Variants in LYPLAL1 observed in about 807,000 individuals in gnomAD.
The protein encoded by LYPLAL1 is lysophospholipase like 1, also known as lysophospholipase-like protein 1.
In LYPLAL1, 23 loss-of-function variants were observed where a neutral mutation model predicts 19.7. That is an observed-to-expected ratio of 1.17 (90% CI 0.84 to 1.65). LYPLAL1 has a LOEUF of 1.65. Among genes scored for constraint, LYPLAL1 ranks in the 40% most tolerant of loss-of-function variants. The pLI, the probability that LYPLAL1 is intolerant of heterozygous loss-of-function variation, is 0.00. For missense variants in LYPLAL1, 355 were observed against 279.4 expected, an observed-to-expected ratio of 1.27 and a Z score of -1.93; for synonymous variants, 119 against 96.3, an observed-to-expected ratio of 1.24 and a Z score of -1.38.
chr1:219,267,069 G>T, the LYPLAL1 span, among the ~76,000 whole-genome samples: 1 of 152,060 alleles, frequency 6.6e-6, no homozygotes, highest in Non-Finnish European at 1.5e-5. Flanking sequence ...CCCCAGAGTT[G>T]CAGGAAAACT....
At chr1:219,259,688 G>A in the LYPLAL1 span, among the ~76,000 whole-genome samples, 39,919 of 151,074 alleles carry the variant, frequency 0.26, 5,453 homozygotes, top group Non-Finnish European at 0.31. Context: ...CCTGGGTATA[G>A]GGTACACTGG....
the LYPLAL1 span, among the ~76,000 whole-genome samples, chr1:219,419,594 C>CACACACACACACACACACAGAGAGAG: frequency 1.0e-3 from 101 of 99,570 alleles, 1 homozygote; most frequent in African/African-American, 1.2e-3. Flanking sequence ...CACACACACA[C>CACACACACACACACACACAGAGAGAG]AGAGAGAGAG....
chr1:219,420,821 A>G, the LYPLAL1 span, among the ~76,000 whole-genome samples: 1 of 152,172 alleles, frequency 6.6e-6, no homozygotes, highest in African/African-American at 2.4e-5. Flanking sequence ...CCCCATTACT[A>G]TAAATTCTGG....
the LYPLAL1 span, among the ~76,000 whole-genome samples, chr1:219,416,471 G>A: frequency 1.0e-3 from 154 of 152,336 alleles, no homozygotes; most frequent in African/African-American, 3.7e-3. Context: ...GGTGGTGTTA[G>A]ACAGCAATCT....
At chr1:219,223,617 A>G in the LYPLAL1 span, among the ~76,000 whole-genome samples, 1 of 152,180 alleles carries the variant, frequency 6.6e-6, no homozygotes, top group Non-Finnish European at 1.5e-5. Flanking sequence ...ACAAGAATAG[A>G]ATTAATGGTT....
chr1:219,213,969 C>G (rs117605982), downstream of LYPLAL1, among the ~76,000 whole-genome samples: 165 of 152,072 alleles, frequency 1.1e-3, 3 homozygotes, highest in East Asian at 0.031. Context: ...TGTCTTGTTC[C>G]CAGCCTTAGG....
the LYPLAL1 span, among the ~76,000 whole-genome samples, chr1:219,274,756 G>A: frequency 1.3e-5 from 2 of 152,124 alleles, no homozygotes; most frequent in Admixed American, 6.5e-5. Flanking sequence ...TTTCTATGCT[G>A]AGTTTTAAGG....
chr1:219,432,556 C>T, the LYPLAL1 span, among the ~76,000 whole-genome samples: 13 of 152,020 alleles, frequency 8.6e-5, no homozygotes, highest in African/African-American at 2.4e-4. Flanking sequence ...GATGACTAAC[C>T]GCAGCCAAGC....
chr1:219,266,946 G>A, the LYPLAL1 span, among the ~76,000 whole-genome samples: 1 of 152,144 alleles, frequency 6.6e-6, no homozygotes, highest in Non-Finnish European at 1.5e-5. Flanking sequence ...AAGATAAATA[G>A]TTCTATAAAA....
chr1:219,433,458 C>T, the LYPLAL1 span, among the ~76,000 whole-genome samples: 16 of 152,164 alleles, frequency 1.1e-4, no homozygotes, highest in East Asian at 3.9e-4. Flanking sequence ...AGATATTACA[C>T]GTTGGCATAT....
At chr1:219,356,758 T>C in the LYPLAL1 span, among the ~76,000 whole-genome samples, 1 of 152,204 alleles carries the variant, frequency 6.6e-6, no homozygotes, top group Non-Finnish European at 1.5e-5. Context: ...CAAAAATTAC[T>C]TGCAATATGA....
chr1:219,226,481 A>C, the LYPLAL1 span, among the ~76,000 whole-genome samples: 1 of 152,196 alleles, frequency 6.6e-6, no homozygotes, highest in African/African-American at 2.4e-5. Flanking sequence ...TTCTTCCCTG[A>C]GAAGCCACGT....
intron 1 of LYPLAL1, chr1:219,175,061 G>C (rs1655699569): frequency 3.0e-6 from 3 of 985,336 alleles, no homozygotes; most frequent in Admixed American, 6.1e-5. Flanking sequence ...GAATTGGAAA[G>C]GTACTGGGCA....
At chr1:219,229,771 G>C in the LYPLAL1 span, among the ~76,000 whole-genome samples, 12 of 152,310 alleles carry the variant, frequency 7.9e-5, no homozygotes, top group African/African-American at 2.9e-4. Flanking sequence ...CTAAAGAAAC[G>C]AGCCACACCC....
At position 219,211,865 on chromosome 1, in the gene LYPLAL1, G is replaced by A. The variant is rs1345269539; in HGVS notation, c.*137G>A. The A allele has an allele frequency of 2.0e-5, 11 of 536,674 alleles. No homozygotes were observed. The highest frequency in any genetic ancestry group is 3.5e-5 in the Non-Finnish European group (11 of 312,732). 33.2% of individuals were successfully genotyped at this position (536,674 alleles called of 1,614,324 possible). On this transcript the variant is annotated 3_prime_UTR_variant, in exon 5 of 5. Coordinates refer to ENST00000366928, the MANE Select transcript of LYPLAL1 (RefSeq NM_138794.5). ...TTTTATTATTAAAATGCTTATCACT[G>A]TAGACAGTAGCTAATCTTATTAATG... is the stretch of plus-strand genomic sequence containing the variant.
the LYPLAL1 span, chr1:219,272,468 TC>T: frequency 6.6e-6 from 1 of 152,284 alleles, no homozygotes; most frequent in African/African-American, 2.4e-5. Flanking sequence ...CTAGGTTAGT[TC>T]ATTTAACAAA....
At chr1:219,323,463 C>T in the LYPLAL1 span, among the ~76,000 whole-genome samples, 1 of 152,182 alleles carries the variant, frequency 6.6e-6, no homozygotes, top group East Asian at 1.9e-4. Context: ...TATCCCTTCT[C>T]ATCTGTCTGT....
chr1:219,295,772 A>G, the LYPLAL1 span, among the ~76,000 whole-genome samples: 1 of 152,180 alleles, frequency 6.6e-6, no homozygotes, highest in African/African-American at 2.4e-5. Context: ...AAATCTGATC[A>G]TATGGTTTTT....
chr1:219,385,381 A>G, the LYPLAL1 span, among the ~76,000 whole-genome samples: 58 of 152,282 alleles, frequency 3.8e-4, no homozygotes, highest in African/African-American at 1.4e-3. Flanking sequence ...ATTGTTCAAA[A>G]GTTTGCAACA....
Sources: allele counts gnomAD v4.1 joint callset (sites outside exome capture counted in the v4.1 genomes callset), GRCh38; gene constraint gnomAD v4.1.1; transcripts MANE v1.5; gene names NCBI Gene and HGNC (gene_info 2026-07-23, HGNC 2026-07-21).